Variants in DNAH8 observed in about 807,000 individuals in gnomAD.
The protein encoded by DNAH8 is dynein axonemal heavy chain 8, also known as axonemal beta dynein heavy chain 8.
Under a neutral mutation model 562.1 loss-of-function variants are expected in DNAH8, and 382 were observed. The ratio of observed to expected loss-of-function variants is 0.68; its 90% CI spans 0.63 to 0.74. The LOEUF (loss-of-function observed/expected upper bound fraction) is 0.74. DNAH8 is among the 30% of genes least tolerant of loss of function. The pLI is 0.00. For missense variants in DNAH8, 5,203 were observed against 5,620.4 expected, an observed-to-expected ratio of 0.93 and a Z score of 2.37; for synonymous variants, 1,881 against 1,919.4, an observed-to-expected ratio of 0.98 and a Z score of 0.52.
intron 77 of DNAH8, 69 bp downstream of exon 77, chr6:38,935,766 T>C: frequency 8.6e-7 from 1 of 1,160,536 alleles, no homozygotes; most frequent in Non-Finnish European, 1.3e-6. Flanking sequence ...CTCTTTTCAA[T>C]GCCCTCATGA....
intron 63 of DNAH8, 100 bp from the exon 64 acceptor site, chr6:38,907,856 C>A: frequency 1.9e-6 from 2 of 1,051,582 alleles, no homozygotes; most frequent in Non-Finnish European, 1.3e-6. Flanking sequence ...AAATATGAAA[C>A]AAGATGACAT....
At chr6:38,752,767 G>C (rs191386719) in intron 9 of DNAH8, among the ~76,000 whole-genome samples, 1 of 152,264 alleles carries the variant, frequency 6.6e-6, no homozygotes, top group East Asian at 1.9e-4. Context: ...GAGAGTCTTG[G>C]ACAAGTGCAT....
chr6:38,801,418 G>A (rs1770766977), intron 21 of DNAH8, among the ~76,000 whole-genome samples: 1 of 152,174 alleles, frequency 6.6e-6, no homozygotes, highest in African/African-American at 2.4e-5. Context: ...ATTTTGTCGA[G>A]GTTTCTGGAT....
At chr6:38,865,147 T>C (rs12527202) in intron 45 of DNAH8, among the ~76,000 whole-genome samples, 1 of 152,214 alleles carries the variant, frequency 6.6e-6, no homozygotes, top group Admixed American at 6.5e-5. Flanking sequence ...TTATGTGTTT[T>C]CCATAAAGTT....
chr6:38,871,625 C>A (rs2150431177), intron 49 of DNAH8, among the ~76,000 whole-genome samples: 1 of 152,264 alleles, frequency 6.6e-6, no homozygotes, highest in East Asian at 1.9e-4. Flanking sequence ...CCTTTGACTT[C>A]TTAATTTTTT....
chr6:38,726,859 T>G (rs1435405929), intron 3 of DNAH8, among the ~76,000 whole-genome samples: 4 of 143,774 alleles, frequency 2.8e-5, no homozygotes, highest in African/African-American at 5.2e-5. Flanking sequence ...TAGTTTTTTT[T>G]TTTTTTTTTT....
At chr6:38,865,809 G>C (rs1249400734) in intron 45 of DNAH8, among the ~76,000 whole-genome samples, 1 of 152,210 alleles carries the variant, frequency 6.6e-6, no homozygotes, top group Non-Finnish European at 1.5e-5. Flanking sequence ...TTGAGAGGCA[G>C]CCTCAATTTC....
chr6:38,812,634 A>T (rs1771898090), intron 24 of DNAH8, among the ~76,000 whole-genome samples: 1 of 152,110 alleles, frequency 6.6e-6, no homozygotes, highest in Non-Finnish European at 1.5e-5. Context: ...TTTGATGCTG[A>T]CAGGATTTCT....
intron 35 of DNAH8, among the ~76,000 whole-genome samples, chr6:38,844,395 C>G (rs1775108036): frequency 6.6e-6 from 1 of 152,172 alleles, no homozygotes; most frequent in Non-Finnish European, 1.5e-5. Flanking sequence ...CACCATGTGA[C>G]CAGAAATCTC....
chr6:38,978,557 A>T (rs1391231137), intron 85 of DNAH8, among the ~76,000 whole-genome samples: 1 of 152,182 alleles, frequency 6.6e-6, no homozygotes, highest in Non-Finnish European at 1.5e-5. Context: ...TGCTTCTGTC[A>T]ACTATTTTTA....
chr6:39,008,831 C>A lies in DNAH8; in HGVS notation c.13232C>A (p.Ala4411Asp), dbSNP rs745927375. The A allele has an allele frequency of 7.5e-6, 12 of 1,606,750 alleles. No homozygotes were observed. Among genetic ancestry groups the A allele is most frequent in the Admixed American group, 3.3e-5 (2 of 59,880 alleles). ...TTTACTAGGTATCAGAGTAACACTG[C>A]TTCTGCTGTTCTTGAAACAATTACC... ...NADITYQSNT[A>D]SAVLETITNI... The change falls in exon 89 of 93, where the codon GCT becomes GAT. Residue 4411 changes from alanine to aspartate, a missense_variant. By Grantham distance (126) the Ala-to-Asp change is moderately radical. Coordinates refer to ENST00000327475, the MANE Select transcript of DNAH8 (RefSeq NM_001206927.2).
intron 8 of DNAH8, among the ~76,000 whole-genome samples, chr6:38,745,007 A>C (rs1764813047): frequency 6.6e-6 from 1 of 152,236 alleles, no homozygotes; most frequent in African/African-American, 2.4e-5. Context: ...ATATATGAAA[A>C]GAATGCAAGG....
chr6:38,942,954 A>T (rs959610943), intron 79 of DNAH8, among the ~76,000 whole-genome samples: 3 of 152,222 alleles, frequency 2.0e-5, no homozygotes, highest in Non-Finnish European at 4.4e-5. Flanking sequence ...GAGGGAATTC[A>T]TCAGGGAGGA....
Position 38,896,105 on chromosome 6 carries a change from T to C in DNAH8, c.8820T>C (p.Ser2940=), listed in dbSNP as rs1344622565. The C allele has an allele frequency of 6.2e-7, 1 of 1,614,046 alleles. No individual in the cohort carries two copies. The highest frequency in any genetic ancestry group is 1.3e-5 in the African/African-American group (1 of 74,946). Residue 2940 remains serine, a synonymous_variant, in exon 60 of 93, where the codon TCT becomes TCC. Transcript: ENST00000327475. ...LTRAVEENIG[S]DAASCILPEP... The stretch of plus-strand genomic sequence containing the variant: ...GTGCAGTTGAAGAAAATATTGGCTC[T>C]GATGCAGCGTCGTGTATTCTTCCTG...
At chr6:38,945,829 A>G (rs1308238378) in intron 80 of DNAH8, among the ~76,000 whole-genome samples, 1 of 152,080 alleles carries the variant, frequency 6.6e-6, no homozygotes, top group Non-Finnish European at 1.5e-5. Context: ...TCATTTTTGT[A>G]TGCCTGTTAG....
chr6:38,971,166 T>C (rs1763315113), intron 82 of DNAH8, among the ~76,000 whole-genome samples: 1 of 152,092 alleles, frequency 6.6e-6, no homozygotes, highest in Admixed American at 6.5e-5. Flanking sequence ...AAACAGAAAA[T>C]TAAATCTTTA....
chr6:38,786,757 A>T lies in DNAH8; in HGVS notation c.2396-8A>T, dbSNP rs1583002550. The T allele has an allele frequency of 6.2e-7, 1 of 1,609,874 alleles. No individual in the cohort carries two copies. Among genetic ancestry groups the T allele is most frequent in the Non-Finnish European group, 8.5e-7 (1 of 1,178,738 alleles). On this transcript the variant is annotated splice_polypyrimidine_tract_variant and splice_region_variant and intron_variant, in intron 17 of 92. Coordinates refer to ENST00000327475, the MANE Select transcript of DNAH8 (RefSeq NM_001206927.2). The stretch of plus-strand genomic sequence containing the variant: ...GAATGAGTAATGTCAATCATTATTT[A>T]TTTGTAGCTTTACAAGCCACGCTTT...
chr6:38,889,618 C>T (rs1262719498), intron 57 of DNAH8, among the ~76,000 whole-genome samples: 1 of 152,180 alleles, frequency 6.6e-6, no homozygotes, highest in Non-Finnish European at 1.5e-5. Context: ...GAGATAACTG[C>T]CCAATCAAGG....
At chr6:38,724,887 T>G (rs925503084) in intron 3 of DNAH8, among the ~76,000 whole-genome samples, 1 of 151,720 alleles carries the variant, frequency 6.6e-6, no homozygotes, top group African/African-American at 2.4e-5. Flanking sequence ...TGGGGTGAGG[T>G]GGGGTTGTGG....
Sources: gnomAD v4.1 joint callset for allele counts (sites outside exome capture counted in the v4.1 genomes callset) on GRCh38, gnomAD v4.1.1 for gene constraint, MANE v1.5 for transcripts, NCBI Gene and HGNC (gene_info 2026-07-23, HGNC 2026-07-21) for gene names.